Variants in PRXL2B observed in about 807,000 individuals in gnomAD.
The protein encoded by PRXL2B is prostamide/prostaglandin F synthase.
Under a neutral mutation model 24.4 loss-of-function variants are expected in PRXL2B, and 26 were observed. The ratio of observed to expected loss-of-function variants is 1.07; its 90% CI spans 0.78 to 1.48. PRXL2B has a LOEUF of 1.48. Ranked by LOEUF, PRXL2B falls within the 40% of genes most tolerant of loss-of-function variation. The pLI is 0.00. For synonymous variants in PRXL2B, 115 were observed against 118.9 expected (o/e 0.97, Z 0.21); for missense variants, 269 against 264.8 (o/e 1.02, Z -0.11).
At chr1:2,586,638 G>A (rs1291106119), upstream of PRXL2B, 2 of 917,900 alleles carry the variant, frequency 2.2e-6, no homozygotes, top group Non-Finnish European at 2.9e-6. Flanking sequence ...CGAGGGGGCG[G>A]AGCAGGGCTC....
rs1253641427 is a variant in PRXL2B, at chr1:2,590,914, G to A, written c.*1487G>A. On this transcript the variant is annotated 3_prime_UTR_variant, in exon 7 of 7. Coordinates refer to ENST00000419916, the MANE Select transcript of PRXL2B (RefSeq NM_152371.5). Reference sequence around the variant, plus strand: ...GCCGGGGCGGGACGTACACTGGGTCGCCGCTAGCTGCACCTTCGCACAGAT... The same window carrying A: ...GCCGGGGCGGGACGTACACTGGGTCACCGCTAGCTGCACCTTCGCACAGAT... The A allele has an allele frequency of 2.1e-5, 24 of 1,163,914 alleles. No individual in the cohort carries two copies. Among genetic ancestry groups the A allele is most frequent in the South Asian group, 2.3e-5 (1 of 44,282 alleles). The allele number at this position is 1,163,914 out of a possible 1,614,324, so 72.1% of individuals were successfully genotyped here. A position where few individuals can be genotyped will look rare whatever the true frequency, so the allele number is the denominator to read the frequency against.
chr1:2,590,857 C>T lies in PRXL2B; in HGVS notation c.*1430C>T. ...AGGTGGCTGCACCCTAGGCCAGGCG[C>T]AGAGGCCTGGCAGGCAGGCTTGGCA... is the stretch of plus-strand genomic sequence containing the variant. On this transcript the variant is annotated 3_prime_UTR_variant, in exon 7 of 7. Transcript: ENST00000419916. 1 of 646,648 alleles carries T rather than the reference C, an allele frequency of 1.5e-6. No individual in the cohort carries two copies. The highest frequency in any genetic ancestry group is 2.3e-6 in the Non-Finnish European group (1 of 426,378). The allele number at this position is 646,648 out of a possible 1,614,324, so 40.1% of individuals were successfully genotyped here.
rs985411058 is a variant in PRXL2B at position 2,590,691 on chromosome 1, C to A, written c.*1264C>A. 1.4e-5 allele frequency: 5 copies of A among 360,150 alleles called. No individual in the cohort carries two copies. The highest frequency in any genetic ancestry group is 2.5e-5 in the Non-Finnish European group (5 of 201,236). 22.3% of individuals were successfully genotyped at this position (360,150 alleles called of 1,614,324 possible). On this transcript the variant is annotated 3_prime_UTR_variant, in exon 7 of 7. Transcript: ENST00000419916. ...GTCTGAAGCTGTAGATACTGGAAGA[C>A]AATGCACCTTGGAGGGTGGGCAGGA...
In PRXL2B at chr1:2,590,068, T is replaced by C. The variant is rs1454470577; in HGVS notation, c.*641T>C. 6.6e-6 allele frequency: 1 copy of C among 152,594 alleles called. No individual in the cohort carries two copies. 9.5% of individuals were successfully genotyped at this position (152,594 alleles called of 1,614,324 possible). ...GAGGGTCTTAGTCTAATTAGGTGTG[T>C]CCAGCTTCTTGGCCACCTTTCCCTG... On this transcript the variant is annotated 3_prime_UTR_variant, in exon 7 of 7. Transcript: ENST00000419916.
chr1:2,587,830 G>T lies in PRXL2B; in HGVS notation c.320+38G>T. On this transcript the variant is annotated intron_variant, in intron 3 of 6. Transcript: ENST00000419916. The surrounding 1 kb of genome is among the most constrained non-coding windows in gnomAD (Gnocchi z 6.1). ...GGGAACCCTTGGGTAGCGTGGGGTG[G>T]GGGGCCCAGGGGTTCCCACCGCTCC... The T allele has an allele frequency of 6.4e-7, 1 of 1,564,530 alleles. No individual in the cohort carries two copies. The highest frequency in any genetic ancestry group is 2.3e-5 in the East Asian group (1 of 42,832).
chr1:2,586,776 C>T (rs1570613629), upstream of PRXL2B: 2 of 1,226,454 alleles, frequency 1.6e-6, no homozygotes, highest in South Asian at 3.9e-5. Flanking sequence ...CATCTCGGGG[C>T]GGGGCTTGGG....
At position 2,587,510 on chromosome 1, in the gene PRXL2B, C is replaced by T. The variant is rs1055349717; in HGVS notation, c.268+215C>T. Among the ~76,000 whole-genome samples the T allele has an allele frequency of 2.4e-4, 36 of 152,124 alleles. No individual in the cohort carries two copies. Among genetic ancestry groups the T allele is most frequent in the African/African-American group, 7.7e-4 (32 of 41,420 alleles). On this transcript the variant is annotated intron_variant, in intron 2 of 6. Transcript: ENST00000419916. The surrounding 1 kb of genome is among the most constrained non-coding windows in gnomAD (Gnocchi z 6.1). ...CCTGGGCCCAGCAGCAGAGTCTGGA[C>T]GAGCTCTGCCCCGCCGGCTCCACCT...
In PRXL2B at chr1:2,590,967, CGCACA is replaced by C; in HGVS notation, c.*1543_*1547del. 1.3e-6 allele frequency: 2 copies of C among 1,513,886 alleles called. No homozygotes were observed. Among genetic ancestry groups the C allele is most frequent in the South Asian group, 1.3e-5 (1 of 76,500 alleles). 93.8% of individuals were successfully genotyped at this position (1,513,886 alleles called of 1,614,324 possible). A position where few individuals can be genotyped will look rare whatever the true frequency, so the allele number is the denominator to read the frequency against. ...CTCCGAGCAGCGGGTGGGCGTGGGC[CGCACA>C]GCGCGGCAGGGCCTTGGCTACCACA... On this transcript the variant is annotated 3_prime_UTR_variant, in exon 7 of 7. Coordinates refer to ENST00000419916, the MANE Select transcript of PRXL2B (RefSeq NM_152371.5).
rs531404848 is a variant in PRXL2B at position 2,591,319 on chromosome 1, C to T, written c.*1892C>T. On this transcript the variant is annotated 3_prime_UTR_variant, in exon 7 of 7. Transcript: ENST00000419916. ...TATTCCAACTCTGCAATAAAACTCT[C>T]CTTCACACAGAAACATTCGCAGCCT... 39 of 600,126 alleles carry T rather than the reference C, an allele frequency of 6.5e-5. 1 individual carries two copies. The South Asian group carries it at 7.5e-4, about 12-fold the overall frequency. 37.2% of individuals were successfully genotyped at this position (600,126 alleles called of 1,614,324 possible).
In PRXL2B at chr1:2,587,804, C is replaced by T. The variant is rs1347378253; in HGVS notation, c.320+12C>T. The T allele has an allele frequency of 4.1e-6, 3 of 735,570 alleles. No individual in the cohort carries two copies. Among genetic ancestry groups the T allele is most frequent in the Non-Finnish European group, 6.6e-6 (3 of 457,858 alleles). 45.6% of individuals were successfully genotyped at this position (735,570 alleles called of 1,614,324 possible). ...CTAGGCTTCAAGCGGTGAGTGGGGG[C>T]GGGAACCCTTGGGTAGCGTGGGGTG... On this transcript the variant is annotated intron_variant, in intron 3 of 6. Transcript: ENST00000419916. This position sits in a 1 kb window ranked among gnomAD's most constrained non-coding sequence, Gnocchi z 6.1.
At position 2,587,911 on chromosome 1, in the gene PRXL2B, G is replaced by C; in HGVS notation, c.320+119G>C. ...GGTGCTGTCCACTCGGGCCTTCCTG[G>C]GCAAGGCGGCTCTGGTGGCACTGTT... On this transcript the variant is annotated intron_variant, in intron 3 of 6. Transcript: ENST00000419916. The surrounding 1 kb of genome is among the most constrained non-coding windows in gnomAD (Gnocchi z 6.1). The C allele has an allele frequency of 1.7e-6, 2 of 1,169,726 alleles. No homozygotes were observed. The highest frequency in any genetic ancestry group is 2.4e-6 in the Non-Finnish European group (2 of 835,304). 72.5% of individuals were successfully genotyped at this position (1,169,726 alleles called of 1,614,324 possible). A position where few individuals can be genotyped will look rare whatever the true frequency, so the allele number is the denominator to read the frequency against.
At position 2,586,882 on chromosome 1, in the gene PRXL2B, C is replaced by A. The variant is rs1644530002; in HGVS notation, c.-4C>A. The A allele has an allele frequency of 7.7e-7, 1 of 1,295,866 alleles. No individual in the cohort carries two copies. The highest frequency in any genetic ancestry group is 3.0e-5 in the East Asian group (1 of 33,332). The allele number at this position is 1,295,866 out of a possible 1,614,324, so 80.3% of individuals were successfully genotyped here. On this transcript the variant is annotated 5_prime_UTR_variant, in exon 1 of 7. Transcript: ENST00000419916. Reference sequence around the variant, plus strand: ...GCCGGGAACCAGGGCTGGCAGCGGCCGCCATGAGCACGGTGGACCTTGCTC... The same window carrying A: ...GCCGGGAACCAGGGCTGGCAGCGGCAGCCATGAGCACGGTGGACCTTGCTC...
chr1:2,589,288 G>A, intron 6 of PRXL2B, 122 bp from the exon 7 acceptor site: 1 of 1,415,068 alleles, frequency 7.1e-7, no homozygotes, highest in Non-Finnish European at 9.7e-7. Flanking sequence ...GACACATGGG[G>A]TGGCGGGCAG....
chr1:2,589,180 C>T (rs1644612533), intron 6 of PRXL2B, 140 bp downstream of exon 6: 1 of 1,004,838 alleles, frequency 1.0e-6, no homozygotes, highest in Admixed American at 2.3e-5. Context: ...ATGGATGCCA[C>T]TGTGACCCCA....
rs1403134160 is a variant in PRXL2B, at chr1:2,587,999, G to A, written c.320+207G>A. Among the ~76,000 whole-genome samples the A allele has an allele frequency of 1.3e-5, 2 of 152,130 alleles. No individual in the cohort carries two copies. The highest frequency in any genetic ancestry group is 1.9e-4 in the East Asian group (1 of 5,194). ...GTGACTGTAATGAGCCACCTCGTCC[G>A]GGGCTTACTCTCGGTGTCCAGACCA... On this transcript the variant is annotated intron_variant, in intron 3 of 6. Transcript: ENST00000419916. The surrounding 1 kb of genome is among the most constrained non-coding windows in gnomAD (Gnocchi z 6.1).
At chr1:2,586,694 G>T, upstream of PRXL2B, 4 of 1,225,042 alleles carry the variant, frequency 3.3e-6, no homozygotes, top group Middle Eastern at 9.4e-4. Flanking sequence ...GGCCATCTTG[G>T]GGGCGGGCCC....
intron 5 of PRXL2B, 23 bp downstream of exon 5, chr1:2,588,648 G>A (rs759859952): frequency 4.4e-5 from 71 of 1,609,922 alleles, no homozygotes; most frequent in Non-Finnish European, 3.8e-5. Context: ...AGGGGCCTCG[G>A]CCACTGCCTC....
chr1:2,590,716 A>G lies in PRXL2B; in HGVS notation c.*1289A>G. The G allele has an allele frequency of 5.2e-6, 2 of 384,146 alleles. No homozygotes were observed. Among genetic ancestry groups the G allele is most frequent in the Middle Eastern group, 6.5e-4 (1 of 1,530 alleles). The allele number at this position is 384,146 out of a possible 1,614,324, so 23.8% of individuals were successfully genotyped here. Reference sequence around the variant, plus strand: ...CAATGCACCTTGGAGGGTGGGCAGGACACAGTTGATTGTCTCTACAGAGCT... The same window carrying G: ...CAATGCACCTTGGAGGGTGGGCAGGGCACAGTTGATTGTCTCTACAGAGCT... On this transcript the variant is annotated 3_prime_UTR_variant, in exon 7 of 7. Transcript: ENST00000419916.
rs139088540 is a variant in PRXL2B at position 2,587,491 on chromosome 1, C to T, written c.268+196C>T. On this transcript the variant is annotated intron_variant, in intron 2 of 6. Transcript: ENST00000419916. This position sits in a 1 kb window ranked among gnomAD's most constrained non-coding sequence, Gnocchi z 6.1. ...GGGTGGTGCCCTGCACAGACCTGGG[C>T]CCAGCAGCAGAGTCTGGACGAGCTC... 8.5e-5 allele frequency among the ~76,000 whole-genome samples: 13 copies of T among 152,176 alleles called. No individual in the cohort carries two copies. The highest frequency in any genetic ancestry group is 2.9e-4 in the African/African-American group (12 of 41,516).
Sources: gnomAD v4.1 joint callset for allele counts (sites outside exome capture counted in the v4.1 genomes callset) on GRCh38, gnomAD v4.1.1 for gene constraint, Gnocchi (gnomAD v3.1) non-coding constraint, MANE v1.5 for transcripts, NCBI Gene and HGNC (gene_info 2026-07-23, HGNC 2026-07-21) for gene names.